The following MRPS9 variants were observed in gnomAD, a reference collection of about 807,000 sequenced individuals.
MRPS9 encodes small ribosomal subunit protein uS9m.
Under a neutral mutation model 59.9 loss-of-function variants are expected in MRPS9, and 45 were observed. That is an observed-to-expected ratio of 0.75 (90% CI 0.59 to 0.96). The LOEUF (loss-of-function observed/expected upper bound fraction) is 0.96, where lower values mean the gene tolerates loss of function less well. MRPS9 is among the 40% of genes least tolerant of loss of function. MRPS9 has a pLI of 0.00. For synonymous variants in MRPS9, 171 were observed against 166.8 expected (o/e 1.03, Z -0.19); for missense variants, 473 against 481.1 (o/e 0.98, Z 0.16).
At chr2:105,038,452 A>C in intron 1 of MRPS9, 2 of 560,102 alleles carry the variant, frequency 3.6e-6, no homozygotes, top group Admixed American at 3.2e-5. Flanking sequence ...AGGGGAACTT[A>C]CCTGAAGGTA....
Position 105,061,422 on chromosome 2 carries a change from G to GTT in MRPS9, c.316-9890_316-9889insTT, listed in dbSNP as rs200970913. Among the ~76,000 whole-genome samples the GTT allele has an allele frequency of 3.8e-3, 583 of 152,304 alleles. 3 individuals are homozygous for GTT. The highest frequency in any genetic ancestry group is 0.017 in the Middle Eastern group (5 of 294). On this transcript the variant is annotated intron_variant, in intron 2 of 10. Coordinates refer to ENST00000258455, the MANE Select transcript of MRPS9 (RefSeq NM_182640.3). ...AGTGGGCCTTGCTGCTGCTACAGGG[G>GTT]TAGTATGGGGTGAGCTTCCTCATAC...
rs533135345 is a variant in MRPS9, at chr2:105,047,125, G to A, written c.136-2046G>A. Among the ~76,000 whole-genome samples the A allele has an allele frequency of 7.2e-4, 110 of 152,000 alleles. 2 individuals carry two copies. Among genetic ancestry groups the A allele is most frequent in the Non-Finnish European group, 8.5e-4 (58 of 67,916 alleles). On this transcript the variant is annotated intron_variant, in intron 1 of 10. Transcript: ENST00000258455. ...AGACAGGCTGTGTCTATAAAAGAGC[G>A]GACCATGCATTAGCCAGTTGTGGTC...
intron 2 of MRPS9, among the ~76,000 whole-genome samples, chr2:105,069,308 A>G (rs1472291901): frequency 2.0e-5 from 3 of 147,486 alleles, no homozygotes; most frequent in East Asian, 2.0e-4. Context: ...TCCGCCTTCC[A>G]GGTTCAAACG....
Position 105,043,305 on chromosome 2 carries a change from TTTC to T in MRPS9, c.135+5081_135+5083del, listed in dbSNP as rs140928412. Reference sequence around the variant, plus strand: ...GGTAAATTTTGTTTAAGTAAGTGGATTTCTTATTTGTTTAACATAGTATCCGTT... The same window carrying T: ...GGTAAATTTTGTTTAAGTAAGTGGATTTATTTGTTTAACATAGTATCCGTT... On this transcript the variant is annotated intron_variant, in intron 1 of 10. Coordinates refer to ENST00000258455, the MANE Select transcript of MRPS9 (RefSeq NM_182640.3). Among the ~76,000 whole-genome samples the T allele has an allele frequency of 5.6e-4, 86 of 152,328 alleles. 1 individual carries two copies. The highest frequency in any genetic ancestry group is 2.0e-3 in the African/African-American group (85 of 41,582).
At chr2:105,060,017 T>TAAA (rs10547330) in intron 2 of MRPS9, among the ~76,000 whole-genome samples, 20,990 of 100,374 alleles carry the variant, frequency 0.21, 2,054 homozygotes, top group Middle Eastern at 0.26. Flanking sequence ...GGAAAACTGC[T>TAAA]AAAAAAAAAA....
intron 2 of MRPS9, among the ~76,000 whole-genome samples, chr2:105,054,171 C>T (rs1417743180): frequency 1.1e-4 from 17 of 152,168 alleles, no homozygotes; most frequent in Admixed American, 1.0e-3. Context: ...ATAATAATAC[C>T]GACTTGTCTA....
At chr2:105,043,608 C>A (rs1246931490) in intron 1 of MRPS9, among the ~76,000 whole-genome samples, 1 of 151,632 alleles carries the variant, frequency 6.6e-6, no homozygotes, top group Non-Finnish European at 1.5e-5. Context: ...TTTTTCTTTC[C>A]TTTTTTTTAG....
intron 4 of MRPS9, among the ~76,000 whole-genome samples, chr2:105,077,980 A>G (rs1047386269): frequency 6.6e-6 from 1 of 152,122 alleles, no homozygotes; most frequent in Non-Finnish European, 1.5e-5. Context: ...GCAGTGGGAA[A>G]AAAAATTGTT....
chr2:105,090,487 C>A (rs915561563), intron 7 of MRPS9, among the ~76,000 whole-genome samples: 7 of 142,274 alleles, frequency 4.9e-5, no homozygotes, highest in Non-Finnish European at 1.1e-4. Context: ...CTGTCGGAAT[C>A]CCTTGAAATG....
At chr2:105,067,974 T>G (rs532844105) in intron 2 of MRPS9, among the ~76,000 whole-genome samples, 14 of 152,178 alleles carry the variant, frequency 9.2e-5, no homozygotes, top group African/African-American at 1.2e-4. Context: ...ACTACAGTCA[T>G]GTGCCACCAC....
chr2:105,062,074 T>C (rs1679917233), intron 2 of MRPS9, among the ~76,000 whole-genome samples: 3 of 152,134 alleles, frequency 2.0e-5, no homozygotes, highest in South Asian at 4.1e-4. Context: ...AGAAGTCTGA[T>C]TGGGAAAGTG....
At chr2:105,054,593 C>T (rs71417337) in intron 2 of MRPS9, among the ~76,000 whole-genome samples, 44,362 of 110,648 alleles carry the variant, frequency 0.4, 7,917 homozygotes, top group East Asian at 0.6. Context: ...CTTTTGGTAT[C>T]GCATTTTATT....
At chr2:105,095,487 ATTTTTTTTTTCTTTTTTT>A (rs1357660031) in intron 9 of MRPS9, among the ~76,000 whole-genome samples, 1 of 140,114 alleles carries the variant, frequency 7.1e-6, no homozygotes, top group African/African-American at 2.7e-5. Context: ...CAGTCTGTAC[ATTTTTTTTTTCTTTTTTT>A]TTTTTTTTTG....
At chr2:105,066,033 T>A (rs1031999045) in intron 2 of MRPS9, among the ~76,000 whole-genome samples, 1 of 152,258 alleles carries the variant, frequency 6.6e-6, no homozygotes, top group African/African-American at 2.4e-5. Flanking sequence ...CTGTTAGTAC[T>A]ATTCCATGCA....
intron 5 of MRPS9, among the ~76,000 whole-genome samples, chr2:105,087,004 A>G (rs1680460943): frequency 6.6e-6 from 1 of 152,214 alleles, no homozygotes; most frequent in African/African-American, 2.4e-5. Context: ...TTTCTGATAT[A>G]CTATCCATTT....
intron 4 of MRPS9, among the ~76,000 whole-genome samples, chr2:105,074,310 CA>C (rs1680168177): frequency 6.6e-6 from 1 of 152,028 alleles, no homozygotes; most frequent in Non-Finnish European, 1.5e-5. Flanking sequence ...TAAACAAAAC[CA>C]TGTCATTCTT....
intron 5 of MRPS9, among the ~76,000 whole-genome samples, chr2:105,086,539 GT>G (rs1680449024): frequency 6.6e-6 from 1 of 152,120 alleles, no homozygotes; most frequent in Admixed American, 6.5e-5. Context: ...GTTGATTGTT[GT>G]TATTTTAGTT....
chr2:105,091,423 C>T, intron 7 of MRPS9: 1 of 470,862 alleles, frequency 2.1e-6, no homozygotes, highest in East Asian at 6.9e-5. Flanking sequence ...TCTGCCCACC[C>T]AATATCCTAG....
Position 105,089,935 on chromosome 2 carries a change from C to A in MRPS9, c.591C>A (p.Ser197Arg), listed in dbSNP as rs1374887897. ...EKTVTRDVIG[S>R]RWLIKEELEE... ...ATTTTAACAGAGACGTGATTGGCAG[C>A]AGATGGCTGATTAAGGAGGAACTAG... Residue 197 changes from serine (S) to arginine (R), a missense_variant, in exon 7 of 11, where the codon AGC becomes AGA. By Grantham distance (110) the Ser-to-Arg change is moderately radical (BLOSUM62 -1). Coordinates refer to ENST00000258455, the MANE Select transcript of MRPS9 (RefSeq NM_182640.3). 2.5e-6 allele frequency: 4 copies of A among 1,608,580 alleles called. No individual in the cohort carries two copies. Among genetic ancestry groups the A allele is most frequent in the Non-Finnish European group, 3.4e-6 (4 of 1,175,990 alleles).
Sources: gnomAD v4.1 joint callset for allele counts (sites outside exome capture counted in the v4.1 genomes callset) on GRCh38, gnomAD v4.1.1 for gene constraint, MANE v1.5 for transcripts, NCBI Gene and HGNC (gene_info 2026-07-23, HGNC 2026-07-21) for gene names.